TMEM51: variants seen among roughly 807,000 people sequenced by gnomAD.
TMEM51 encodes the protein chromosome 1 open reading frame 72.
TMEM51 carries 8 observed loss-of-function variants against 13.6 expected under a neutral mutation model. The ratio of observed to expected loss-of-function variants is 0.59; its 90% CI spans 0.35 to 1.07. The LOEUF (loss-of-function observed/expected upper bound fraction) is 1.07, where lower values mean the gene tolerates loss of function less well. TMEM51 is among the 50% of genes least tolerant of loss of function. The pLI is 0.02. For synonymous variants in TMEM51, 147 were observed against 144.4 expected (o/e 1.02, Z -0.13); for missense variants, 279 against 330.7 (o/e 0.84, Z 1.21).
At chr1:15,194,628 G>A (rs1031984139) in intron 1 of TMEM51, among the ~76,000 whole-genome samples, 6 of 152,160 alleles carry the variant, frequency 3.9e-5, no homozygotes, top group Admixed American at 6.5e-5. Flanking sequence ...CTACACAGCC[G>A]CTTCCTATCT....
intron 1 of TMEM51, among the ~76,000 whole-genome samples, chr1:15,201,058 G>A (rs1644147088): frequency 6.6e-6 from 1 of 152,168 alleles, no homozygotes; most frequent in Non-Finnish European, 1.5e-5. Flanking sequence ...GGTTTGACTG[G>A]GCACAATTCC....
chr1:15,212,012 A>G (rs909064997), intron 2 of TMEM51, among the ~76,000 whole-genome samples: 4 of 152,312 alleles, frequency 2.6e-5, no homozygotes, highest in Non-Finnish European at 5.9e-5. Flanking sequence ...TTAAAAATAC[A>G]TTAGCTGCTT....
rs559968696 is a variant in TMEM51 at position 15,154,193 on chromosome 1, C to G, written c.-267+239C>G. ...CGGGCACCGCGCCTGGCCAGCTGGC[C>G]TCGGCTGGGGAAGGCAGCTGGCCTT... On this transcript the variant is annotated intron_variant, in intron 1 of 3. Transcript: ENST00000376008. Among the ~76,000 whole-genome samples, 658 of 152,258 alleles carry G rather than the reference C, an allele frequency of 4.3e-3. 6 individuals carry two copies. The highest frequency in any genetic ancestry group is 0.015 in the African/African-American group (605 of 41,566).
chr1:15,182,771 TC>T (rs1239507291), intron 1 of TMEM51, among the ~76,000 whole-genome samples: 1 of 152,086 alleles, frequency 6.6e-6, no homozygotes, highest in Non-Finnish European at 1.5e-5. Flanking sequence ...CACTGTTTCT[TC>T]TTTTGGGGGG....
At chr1:15,202,363 G>T (rs535619413) in intron 1 of TMEM51, among the ~76,000 whole-genome samples, 50 of 152,320 alleles carry the variant, frequency 3.3e-4, no homozygotes, top group African/African-American at 1.1e-3. Context: ...TGCAGGAGTT[G>T]CCTGGGTCTG....
chr1:15,173,955 G>A (rs933544844), intron 1 of TMEM51, among the ~76,000 whole-genome samples: 6 of 152,322 alleles, frequency 3.9e-5, no homozygotes, highest in African/African-American at 1.4e-4. Context: ...ATGGGTTAAG[G>A]CAGTGCTCCG....
At chr1:15,174,014 T>C (rs1302246386) in intron 1 of TMEM51, among the ~76,000 whole-genome samples, 6 of 152,186 alleles carry the variant, frequency 3.9e-5, no homozygotes, top group Non-Finnish European at 1.5e-5. Flanking sequence ...GTGTGGCTTA[T>C]AAAGAAGCTG....
chr1:15,201,245 T>C (rs185410306), intron 1 of TMEM51, among the ~76,000 whole-genome samples: 5 of 152,282 alleles, frequency 3.3e-5, no homozygotes, highest in African/African-American at 1.2e-4. Context: ...TTAAGCATGG[T>C]AATAAATAAC....
intron 1 of TMEM51, among the ~76,000 whole-genome samples, chr1:15,169,987 A>C (rs1643183181): frequency 6.6e-6 from 1 of 152,204 alleles, no homozygotes; most frequent in South Asian, 2.1e-4. Flanking sequence ...ACTTTGTATT[A>C]AAGTAACAGC....
At chr1:15,164,544 C>T in intron 1 of TMEM51, 1 of 448,910 alleles carries the variant, frequency 2.2e-6, no homozygotes, top group South Asian at 1.6e-5. Context: ...TGACATCAGC[C>T]TTGGTCACTT....
chr1:15,212,118 A>C (rs10927724), intron 2 of TMEM51, among the ~76,000 whole-genome samples: 23,464 of 152,108 alleles, frequency 0.15, 1,972 homozygotes, highest in East Asian at 0.3. Context: ...CACCACTATA[A>C]AGCTGTGATG....
intron 1 of TMEM51, among the ~76,000 whole-genome samples, chr1:15,170,866 C>G (rs1643241205): frequency 6.6e-6 from 1 of 151,790 alleles, no homozygotes; most frequent in Admixed American, 6.6e-5. Flanking sequence ...GCAGCTGGGA[C>G]TACAGGCGCC....
At chr1:15,198,575 G>A (rs970858821) in intron 1 of TMEM51, among the ~76,000 whole-genome samples, 1 of 151,908 alleles carries the variant, frequency 6.6e-6, no homozygotes, top group Admixed American at 6.6e-5. Context: ...CCGCCACCAC[G>A]CCTGGCTAAT....
At chr1:15,171,118 T>TCCCCC in intron 1 of TMEM51, 1 of 547,038 alleles carries the variant, frequency 1.8e-6, no homozygotes, top group Non-Finnish European at 2.9e-6. Context: ...CCCCGCCACA[T>TCCCCC]CCCCCACCCC....
rs577665964 is a variant in TMEM51, at chr1:15,209,366, G to A, written c.-266-1124G>A. Among the ~76,000 whole-genome samples the A allele has an allele frequency of 2.5e-3, 376 of 152,178 alleles. 2 individuals carry two copies. The highest frequency in any genetic ancestry group is 6.8e-3 in the Middle Eastern group (2 of 294). ...CCCACCTTGGCCTCCCAAAGTGCTG[G>A]CATTACAGGTGTGAGCTACTGTGCC... On this transcript the variant is annotated intron_variant, in intron 1 of 3. Transcript: ENST00000376008.
intron 1 of TMEM51, among the ~76,000 whole-genome samples, chr1:15,156,335 C>T (rs531118638): frequency 7.2e-5 from 11 of 152,184 alleles, no homozygotes; most frequent in Non-Finnish European, 1.6e-4. Context: ...TGTTTCTGGT[C>T]AACGTTCCTC....
At chr1:15,211,702 T>C (rs967732749) in intron 2 of TMEM51, among the ~76,000 whole-genome samples, 2 of 151,720 alleles carry the variant, frequency 1.3e-5, no homozygotes, top group Admixed American at 1.3e-4. Context: ...TCAGCTATGC[T>C]ACCTTGCAGC....
At chr1:15,171,847 C>T (rs1643287507) in intron 1 of TMEM51, among the ~76,000 whole-genome samples, 2 of 152,108 alleles carry the variant, frequency 1.3e-5, no homozygotes, top group African/African-American at 4.8e-5. Flanking sequence ...TGGGGCTCTG[C>T]TGGGCGTTCC....
chr1:15,181,637 A>G (rs1643619521), intron 1 of TMEM51, among the ~76,000 whole-genome samples: 1 of 152,222 alleles, frequency 6.6e-6, no homozygotes, highest in African/African-American at 2.4e-5. Flanking sequence ...CTCTCAGGTC[A>G]TGGCAGCAGG....
Sources: allele counts gnomAD v4.1 joint callset (sites outside exome capture counted in the v4.1 genomes callset), GRCh38; gene constraint gnomAD v4.1.1; transcripts MANE v1.5; gene names NCBI Gene and HGNC (gene_info 2026-07-23, HGNC 2026-07-21).